TAFA2: variants seen among roughly 807,000 people sequenced by gnomAD.
The protein encoded by TAFA2 is chemokine-like protein TAFA-2.
TAFA2 carries 7 observed loss-of-function variants against 18.8 expected under a neutral mutation model. The ratio of observed to expected loss-of-function variants is 0.37; its 90% CI spans 0.21 to 0.70. TAFA2 has a LOEUF of 0.70. Among genes scored for constraint, TAFA2 ranks in the 30% least tolerant of loss-of-function variants. The pLI is 0.53. For missense variants in TAFA2, 122 were observed against 158.1 expected (o/e 0.77, Z 1.23); for synonymous variants, 60 against 54.2 (o/e 1.11, Z -0.47).
chr12:62,020,581 T>C (rs1881095406), intron 1 of TAFA2, among the ~76,000 whole-genome samples: 1 of 152,202 alleles, frequency 6.6e-6, no homozygotes, highest in Admixed American at 6.5e-5. Context: ...GGGAGTCAGA[T>C]AATAAGGATG....
chr12:61,786,569 C>T (rs563518043), intron 2 of TAFA2, among the ~76,000 whole-genome samples: 39 of 151,552 alleles, frequency 2.6e-4, no homozygotes, highest in African/African-American at 9.2e-4. Flanking sequence ...GTGCCCATAT[C>T]CCATGTATTT....
chr12:61,788,816 A>G (rs1870850369), intron 2 of TAFA2, among the ~76,000 whole-genome samples: 1 of 151,788 alleles, frequency 6.6e-6, no homozygotes, highest in African/African-American at 2.4e-5. Context: ...TGGACACACA[A>G]AACTATCAAG....
intron 1 of TAFA2, among the ~76,000 whole-genome samples, chr12:62,017,164 T>C (rs1389503800): frequency 2.6e-5 from 4 of 152,130 alleles, no homozygotes; most frequent in African/African-American, 9.7e-5. Flanking sequence ...CTCAGTTTCC[T>C]TGAGGGGATG....
chr12:61,796,071 G>A (rs1871176996), intron 2 of TAFA2, among the ~76,000 whole-genome samples: 2 of 152,256 alleles, frequency 1.3e-5, no homozygotes, highest in South Asian at 2.1e-4. Context: ...TTGAAAAGCT[G>A]TTTGGCAGTT....
chr12:61,922,499 G>C (rs373207557), intron 1 of TAFA2, among the ~76,000 whole-genome samples: 1 of 152,160 alleles, frequency 6.6e-6, no homozygotes, highest in African/African-American at 2.4e-5. Context: ...GCAAGGGGTC[G>C]GGGAACCCCC....
chr12:62,188,688 A>T (rs895878431), intron 1 of TAFA2, among the ~76,000 whole-genome samples: 3 of 152,194 alleles, frequency 2.0e-5, no homozygotes, highest in African/African-American at 4.8e-5. Context: ...ATGATCATCA[A>T]AATACTACAT....
intron 1 of TAFA2, among the ~76,000 whole-genome samples, chr12:61,929,467 A>G (rs894429365): frequency 2.0e-5 from 3 of 152,162 alleles, no homozygotes; most frequent in Non-Finnish European, 4.4e-5. Flanking sequence ...ACCATCTCAC[A>G]CCAGTTAGAA....
intron 2 of TAFA2, among the ~76,000 whole-genome samples, chr12:61,803,026 C>T (rs981273372): frequency 6.6e-6 from 1 of 151,864 alleles, no homozygotes; most frequent in Non-Finnish European, 1.5e-5. Context: ...CTCTTAATAA[C>T]AGTTTCTAGA....
chr12:61,730,763 C>T (rs767314712), intron 4 of TAFA2, among the ~76,000 whole-genome samples: 83 of 152,210 alleles, frequency 5.5e-4, no homozygotes, highest in Middle Eastern at 6.8e-3. Flanking sequence ...GCCATGCTCC[C>T]CCAACAGCCA....
intron 1 of TAFA2, among the ~76,000 whole-genome samples, chr12:62,132,655 G>A (rs2136896400): frequency 6.6e-6 from 1 of 151,978 alleles, no homozygotes; most frequent in South Asian, 2.1e-4. Context: ...ATTGTAGTCA[G>A]ATGCATACAC....
intron 2 of TAFA2, among the ~76,000 whole-genome samples, chr12:61,821,999 G>T (rs1416012777): frequency 1.3e-5 from 2 of 151,966 alleles, no homozygotes; most frequent in Admixed American, 6.6e-5. Context: ...TATGAGCTAA[G>T]ACAGAAAACC....
rs566050311 is a variant in TAFA2 at position 61,960,166 on chromosome 12, G to C, written c.-1-92740C>G. On this transcript the variant is annotated intron_variant, in intron 1 of 4. Coordinates refer to ENST00000416284, the MANE Select transcript of TAFA2 (RefSeq NM_178539.5). The stretch of plus-strand genomic sequence containing the variant: ...ATTTAAATATCTTGATAATTTCCTT[G>C]TCATTCACCATTTTATGGGTGTAAA... 2.0e-5 allele frequency among the ~76,000 whole-genome samples: 3 copies of C among 151,726 alleles called. No homozygotes were observed. In the South Asian group the frequency reaches 6.2e-4, roughly 31 times the overall value.
chr12:62,241,375 G>A (rs1054948116), intron 1 of TAFA2, among the ~76,000 whole-genome samples: 7 of 152,208 alleles, frequency 4.6e-5, no homozygotes, highest in South Asian at 2.1e-4. Flanking sequence ...TCCAGGAGAG[G>A]TAAATGTAAT....
chr12:61,983,453 G>C (rs1160086271), intron 1 of TAFA2, among the ~76,000 whole-genome samples: 1 of 152,010 alleles, frequency 6.6e-6, no homozygotes, highest in Admixed American at 6.6e-5. Context: ...CTGTAGCCAG[G>C]CTGGAGTGCA....
intron 2 of TAFA2, among the ~76,000 whole-genome samples, chr12:61,783,941 C>T (rs1870615401): frequency 6.6e-6 from 1 of 151,430 alleles, no homozygotes; most frequent in South Asian, 2.1e-4. Context: ...GATATTTTTA[C>T]TTAATAAACT....
At chr12:61,931,519 C>T (rs1877553563) in intron 1 of TAFA2, among the ~76,000 whole-genome samples, 1 of 152,202 alleles carries the variant, frequency 6.6e-6, no homozygotes, top group Non-Finnish European at 1.5e-5. Flanking sequence ...GAAAACCACA[C>T]ACCTATCGTG....
Position 61,771,909 on chromosome 12 carries a change from C to CA in TAFA2, c.107-16886dup, listed in dbSNP as rs58401862. Among the ~76,000 whole-genome samples the CA allele has an allele frequency of 1.8e-3, 268 of 145,052 alleles. 1 individual carries two copies. Among genetic ancestry groups the CA allele is most frequent in the African/African-American group, 6.2e-3 (248 of 39,970 alleles). Reference sequence around the variant, plus strand: ...AGACCAGAACTAAATGAAATTGAAACAAAAAAAAAAACAGATAAATGAAAC... The same window carrying CA: ...AGACCAGAACTAAATGAAATTGAAACAAAAAAAAAAAACAGATAAATGAAAC... On this transcript the variant is annotated intron_variant, in intron 2 of 4. Coordinates refer to ENST00000416284, the MANE Select transcript of TAFA2 (RefSeq NM_178539.5).
chr12:62,093,176 CT>C (rs1210000381), intron 1 of TAFA2, among the ~76,000 whole-genome samples: 29 of 151,786 alleles, frequency 1.9e-4, no homozygotes, highest in Admixed American at 9.2e-4. Context: ...GATTTGTTTG[CT>C]TTTGAGTCAT....
chr12:61,754,775 C>A, intron 3 of TAFA2, 97 bp downstream of exon 3: 1 of 1,236,970 alleles, frequency 8.1e-7, no homozygotes. Flanking sequence ...AGTATGTTCA[C>A]CCAGGATTGA....
Sources: allele counts gnomAD v4.1 joint callset (sites outside exome capture counted in the v4.1 genomes callset), GRCh38; gene constraint gnomAD v4.1.1; transcripts MANE v1.5; gene names NCBI Gene and HGNC (gene_info 2026-07-23, HGNC 2026-07-21).